The following PTCHD4 variants were observed in gnomAD, a reference collection of about 807,000 sequenced individuals.
The protein encoded by PTCHD4 is patched domain containing 4, also known as patched domain-containing protein 4.
Under a neutral mutation model 58.1 loss-of-function variants are expected in PTCHD4, and 33 were observed. The observed-to-expected ratio is 0.57, with a 90% confidence interval of 0.43 to 0.76. PTCHD4 has a LOEUF of 0.76. Among genes scored for constraint, PTCHD4 ranks in the 30% least tolerant of loss-of-function variants. The pLI is 0.00. For missense variants in PTCHD4, 1,058 were observed against 1,027.1 expected, an observed-to-expected ratio of 1.03 and a Z score of -0.41; for synonymous variants, 478 against 409.6, an observed-to-expected ratio of 1.17 and a Z score of -2.02.
At chr6:47,991,744 G>C (rs894854043) in intron 4 of PTCHD4, among the ~76,000 whole-genome samples, 2 of 151,802 alleles carry the variant, frequency 1.3e-5, no homozygotes, top group African/African-American at 4.8e-5. Context: ...GGAAAAGGAA[G>C]GTTTTGATTA....
At chr6:47,986,793 C>A (rs1485836825) in intron 4 of PTCHD4, among the ~76,000 whole-genome samples, 1 of 152,148 alleles carries the variant, frequency 6.6e-6, no homozygotes, top group Non-Finnish European at 1.5e-5. Flanking sequence ...CCATAATGTG[C>A]ATACATCAAG....
intron 1 of PTCHD4, among the ~76,000 whole-genome samples, chr6:48,095,484 C>A (rs1354873886): frequency 1.3e-5 from 2 of 152,034 alleles, no homozygotes; most frequent in Non-Finnish European, 2.9e-5. Flanking sequence ...GAGATCGAAA[C>A]CACTCTGGCT....
At chr6:47,904,677 T>C (rs1460818519) in intron 4 of PTCHD4, among the ~76,000 whole-genome samples, 1 of 152,216 alleles carries the variant, frequency 6.6e-6, no homozygotes, top group East Asian at 1.9e-4. Flanking sequence ...TAGTGAATGG[T>C]ACAGTATGAA....
In PTCHD4 at chr6:47,983,808, C is replaced by T. The variant is rs370677290; in HGVS notation, c.898+24826G>A. Reference sequence around the variant, plus strand: ...AGTCCAGTGTTAGAACCCAGTAAAACAGGATAATTCTAGATTGTTGCATTT... The same window carrying T: ...AGTCCAGTGTTAGAACCCAGTAAAATAGGATAATTCTAGATTGTTGCATTT... On this transcript the variant is annotated intron_variant, in intron 4 of 4. Transcript: ENST00000339488. 1.1e-3 allele frequency among the ~76,000 whole-genome samples: 172 copies of T among 152,256 alleles called. 1 individual carries two copies. In the South Asian group the frequency reaches 0.033, roughly 30 times the overall value.
intron 1 of PTCHD4, among the ~76,000 whole-genome samples, chr6:48,103,404 A>C (rs1765649967): frequency 6.6e-6 from 1 of 152,224 alleles, no homozygotes; most frequent in Non-Finnish European, 1.5e-5. Flanking sequence ...TGACTGTTAG[A>C]AGGAAAACTA....
At chr6:47,934,398 A>T (rs1463291943) in intron 4 of PTCHD4, among the ~76,000 whole-genome samples, 1 of 152,190 alleles carries the variant, frequency 6.6e-6, no homozygotes, top group Admixed American at 6.5e-5. Context: ...TGAACTACGA[A>T]AAAGTCCTGC....
chr6:47,901,604 G>A (rs1036125807), intron 4 of PTCHD4: 1 of 1,062,368 alleles, frequency 9.4e-7, no homozygotes, highest in Non-Finnish European at 1.1e-6. Context: ...CATGAGAGGA[G>A]TCAGGTGGGA....
At chr6:47,926,171 G>C (rs1211041795) in intron 4 of PTCHD4, among the ~76,000 whole-genome samples, 2 of 152,154 alleles carry the variant, frequency 1.3e-5, no homozygotes, top group Non-Finnish European at 1.5e-5. Context: ...GTCTCTCCTG[G>C]AGATGAGGAG....
intron 4 of PTCHD4, among the ~76,000 whole-genome samples, chr6:47,992,649 G>C (rs979332448): frequency 4.6e-5 from 7 of 152,028 alleles, no homozygotes; most frequent in African/African-American, 1.7e-4. Flanking sequence ...ACTTTCATTT[G>C]ATATCTCTGT....
chr6:48,099,344 G>C (rs1489902888), intron 1 of PTCHD4, among the ~76,000 whole-genome samples: 1 of 152,172 alleles, frequency 6.6e-6, no homozygotes, highest in African/African-American at 2.4e-5. Context: ...TTCTGTTCTA[G>C]AACTTGGTAT....
At chr6:47,980,208 GGAA>G (rs1349893711) in intron 4 of PTCHD4, among the ~76,000 whole-genome samples, 3 of 151,968 alleles carry the variant, frequency 2.0e-5, no homozygotes, top group Admixed American at 6.6e-5. Flanking sequence ...AAAACCTGAA[GGAA>G]GAAGATTTCC....
chr6:48,018,073 C>T (rs12197167), intron 3 of PTCHD4, among the ~76,000 whole-genome samples: 28,156 of 152,090 alleles, frequency 0.19, 2,816 homozygotes, highest in South Asian at 0.28. Context: ...TATTAACATA[C>T]GTTATAAATA....
chr6:48,024,639 G>A (rs1763180538), intron 3 of PTCHD4, among the ~76,000 whole-genome samples: 1 of 152,088 alleles, frequency 6.6e-6, no homozygotes, highest in Admixed American at 6.6e-5. Flanking sequence ...TTAGAGTCAG[G>A]CCTCGTGTCA....
rs1456065399 is a variant in PTCHD4 at position 47,859,306 on chromosome 6, T to A, written c.*18997A>T. On this transcript the variant is annotated 3_prime_UTR_variant, in exon 5 of 5. Transcript: ENST00000339488. ...GCTAGGATACGAGCACAGTCCCTGC[T>A]CTGCCAAAGGAAACCATGTCTTTTG... Among the ~76,000 whole-genome samples the A allele has an allele frequency of 1.3e-5, 2 of 152,060 alleles. No homozygotes were observed. The highest frequency in any genetic ancestry group is 2.9e-5 in the Non-Finnish European group (2 of 67,994).
intron 4 of PTCHD4, among the ~76,000 whole-genome samples, chr6:47,986,769 ATT>A (rs1768080188): frequency 6.6e-6 from 1 of 152,154 alleles, no homozygotes; most frequent in South Asian, 2.1e-4. Context: ...CATGAATATC[ATT>A]TCTTTCTTCT....
chr6:48,025,795 C>T (rs932980122), intron 3 of PTCHD4, among the ~76,000 whole-genome samples: 1 of 152,160 alleles, frequency 6.6e-6, no homozygotes, highest in African/African-American at 2.4e-5. Flanking sequence ...CAAAATAACA[C>T]TTTCTCAGAA....
rs139165231 is a variant in PTCHD4, at chr6:47,878,153, C to A, written c.*150G>T. ...TTTATTCCCTCTTCCCCCCAAGAAG[C>A]AGGCACCTTGAAGTGTCATGAATAA... On this transcript the variant is annotated 3_prime_UTR_variant, in exon 5 of 5. Transcript: ENST00000339488. 8.4e-3 allele frequency: 4,976 copies of A among 593,850 alleles called. 46 individuals carry two copies. Among genetic ancestry groups the A allele is most frequent in the South Asian group, 0.026 (776 of 30,168 alleles). 36.8% of individuals were successfully genotyped at this position (593,850 alleles called of 1,614,324 possible).
At chr6:47,892,779 A>G (rs1448765033) in intron 4 of PTCHD4, among the ~76,000 whole-genome samples, 1 of 152,232 alleles carries the variant, frequency 6.6e-6, no homozygotes, top group African/African-American at 2.4e-5. Context: ...TTCAAAGGAC[A>G]AGTTTTAAGG....
intron 3 of PTCHD4, among the ~76,000 whole-genome samples, 161 bp from the exon 4 acceptor site, chr6:48,009,275 G>T (rs1402827624): frequency 1.3e-5 from 2 of 152,186 alleles, no homozygotes; most frequent in Non-Finnish European, 1.5e-5. Context: ...TTCAACATTT[G>T]GAGCTACATG....
Sources: gnomAD v4.1 joint callset for allele counts (sites outside exome capture counted in the v4.1 genomes callset) on GRCh38, gnomAD v4.1.1 for gene constraint, MANE v1.5 for transcripts, NCBI Gene and HGNC (gene_info 2026-07-23, HGNC 2026-07-21) for gene names.